Variants in CACNA2D4 observed in about 807,000 individuals in gnomAD.
The protein encoded by CACNA2D4 is voltage-dependent calcium channel subunit alpha-2/delta-4.
A neutral mutation model predicts 163.8 loss-of-function variants in CACNA2D4; 157 were observed. That is an observed-to-expected ratio of 0.96 (90% confidence interval 0.84 to 1.09). CACNA2D4 has a LOEUF of 1.09. Ranked by LOEUF, CACNA2D4 falls within the 50% of genes least tolerant of loss-of-function variation. CACNA2D4 has a pLI of 0.00. For synonymous variants in CACNA2D4, 598 were observed against 586.9 expected (o/e 1.02, Z -0.27); for missense variants, 1,410 against 1,479.9 (o/e 0.95, Z 0.78).
intron 18 of CACNA2D4, among the ~76,000 whole-genome samples, chr12:1,862,702 C>T (rs4765849): frequency 0.043 from 6,512 of 152,274 alleles, 619 homozygotes; most frequent in East Asian, 0.4. Flanking sequence ...GATGAGCCAC[C>T]GTGCCCGGCT....
intron 6 of CACNA2D4, among the ~76,000 whole-genome samples, chr12:1,891,748 CAG>C (rs921136763): frequency 2.6e-4 from 40 of 151,780 alleles, no homozygotes; most frequent in African/African-American, 9.4e-4. Context: ...AAGAACCAAA[CAG>C]AAATTCTGAA....
At chr12:1,905,529 C>G (rs1866639936) in intron 6 of CACNA2D4, among the ~76,000 whole-genome samples, 1 of 152,020 alleles carries the variant, frequency 6.6e-6, no homozygotes, top group African/African-American at 2.4e-5. Context: ...ACTCAACACA[C>G]AAAAATCAGT....
intron 23 of CACNA2D4, among the ~76,000 whole-genome samples, chr12:1,847,962 G>C (rs1270397309): frequency 2.0e-5 from 3 of 152,066 alleles, no homozygotes; most frequent in African/African-American, 7.2e-5. Context: ...ATTTTTTTAA[G>C]TTTGGCTGAA....
At chr12:1,850,893 A>G (rs1303939216) in intron 23 of CACNA2D4, among the ~76,000 whole-genome samples, 1 of 152,072 alleles carries the variant, frequency 6.6e-6, no homozygotes, top group East Asian at 1.9e-4. Flanking sequence ...AAAAAAAAAA[A>G]AAAAAAATAG....
chr12:1,904,929 C>T (rs1277470156), intron 6 of CACNA2D4, among the ~76,000 whole-genome samples: 4 of 151,976 alleles, frequency 2.6e-5, no homozygotes, highest in Admixed American at 2.0e-4. Context: ...ATGGATTAAA[C>T]TTTCCCATCA....
At position 1,879,805 on chromosome 12, in the gene CACNA2D4, G is replaced by A. The variant is rs376351407; in HGVS notation, c.1562C>T (p.Thr521Met). 114 of 1,597,028 alleles carry A rather than the reference G, an allele frequency of 7.1e-5. No individual in the cohort carries two copies. The African/African-American group carries it at 8.7e-4, about 12-fold the overall frequency. ...ACGTCTCCAGGAGCGGCCACTCACC[G>A]TTTCGTTCTTCTTGCTGAAGACTGG... ...AMPVFSKKNE[T>M]RSHGILLGVV... is the part of the protein sequence containing the mutation. The change falls in exon 14 of 38, where the codon ACG becomes ATG. Residue 521 changes from threonine (T) to methionine (M), a missense_variant and splice_region_variant. Transcript: ENST00000382722.
At position 1,844,560 on chromosome 12, in the gene CACNA2D4, C is replaced by T. The variant is rs1299589553; in HGVS notation, c.2343-31G>A. ...AGGAGGAAGATGTGGTACCTCTCCC[C>T]AGATCTGTGAACACAGTCATCACTC... is the stretch of plus-strand genomic sequence containing the variant. On this transcript the variant is annotated intron_variant, in intron 24 of 37. Transcript: ENST00000382722. The surrounding 1 kb of genome is among the most constrained non-coding windows in gnomAD (Gnocchi z 4.2). 3.1e-6 allele frequency: 5 copies of T among 1,603,602 alleles called. No individual in the cohort carries two copies. The highest frequency in any genetic ancestry group is 4.3e-6 in the Non-Finnish European group (5 of 1,173,066).
At position 1,874,385 on chromosome 12, in the gene CACNA2D4, A is replaced by G. The variant is rs1488294377; in HGVS notation, c.1878+219T>C. On this transcript the variant is annotated intron_variant, in intron 18 of 37. Coordinates refer to ENST00000382722, the MANE Select transcript of CACNA2D4 (RefSeq NM_172364.5). This position sits in a 1 kb window ranked among gnomAD's most constrained non-coding sequence, Gnocchi z 4.4. ...TTCTCCCCAGCTCAGCGGTCTCCCA[A>G]AAGCCAAGCATTGCATGAGCAATCC... Among the ~76,000 whole-genome samples, 1 of 152,200 alleles carries G rather than the reference A, an allele frequency of 6.6e-6. No homozygotes were observed. Among genetic ancestry groups the G allele is most frequent in the African/African-American group, 2.4e-5 (1 of 41,450 alleles).
chr12:1,799,771 T>C lies in CACNA2D4; in HGVS notation c.2975-76A>G. Reference sequence around the variant, plus strand: ...GGTGGCACATGAGGGCAGGATGTCATGGGGTGGTGATGATGGCACATGGAG... The same window carrying C: ...GGTGGCACATGAGGGCAGGATGTCACGGGGTGGTGATGATGGCACATGGAG... On this transcript the variant is annotated intron_variant, in intron 33 of 37. Transcript: ENST00000382722. The surrounding 1 kb of genome is among the most constrained non-coding windows in gnomAD (Gnocchi z 4.7). The C allele has an allele frequency of 6.5e-7, 1 of 1,527,012 alleles. No individual in the cohort carries two copies. The highest frequency in any genetic ancestry group is 8.9e-7 in the Non-Finnish European group (1 of 1,124,612). The allele number at this position is 1,527,012 out of a possible 1,614,324, so 94.6% of individuals were successfully genotyped here.
chr12:1,797,408 G>A lies in CACNA2D4; in HGVS notation c.3113+10C>T, dbSNP rs1260820289. 6.6e-7 allele frequency: 1 copy of A among 1,525,364 alleles called. No individual in the cohort carries two copies. The highest frequency in any genetic ancestry group is 2.4e-5 in the East Asian group (1 of 40,870). 94.5% of individuals were successfully genotyped at this position (1,525,364 alleles called of 1,614,324 possible). ...GTGGCGGGACGGGCGGCGCCGCCCT[G>A]CGGTCTTACTTCTGGCAGGGCCCGC... On this transcript the variant is annotated intron_variant, in intron 35 of 37. Coordinates refer to ENST00000382722, the MANE Select transcript of CACNA2D4 (RefSeq NM_172364.5).
At chr12:1,856,336 G>C (rs1592714122) in intron 20 of CACNA2D4, 107 bp from the exon 21 acceptor site, 1 of 1,228,464 alleles carries the variant, frequency 8.1e-7, no homozygotes, top group East Asian at 2.3e-5. Context: ...AAGGGACTGG[G>C]GTCTGTTCTT....
intron 22 of CACNA2D4, 94 bp from the exon 23 acceptor site, chr12:1,854,138 C>A: frequency 1.1e-6 from 1 of 883,270 alleles, no homozygotes. Context: ...AGATGTGCTT[C>A]CTGAACGTGT....
intron 4 of CACNA2D4, 80 bp downstream of exon 4, chr12:1,909,826 G>T: frequency 8.0e-7 from 1 of 1,248,278 alleles, no homozygotes. Flanking sequence ...ACCCTACGCC[G>T]CCACCCTATG....
intron 4 of CACNA2D4, 93 bp downstream of exon 4, chr12:1,909,813 G>T: frequency 4.9e-6 from 5 of 1,012,278 alleles, no homozygotes; most frequent in Non-Finnish European, 6.1e-6. Context: ...TCAGTGGATC[G>T]CCACCCTACG....
chr12:1,819,417 G>T (rs1363930657), intron 26 of CACNA2D4, among the ~76,000 whole-genome samples: 3 of 152,126 alleles, frequency 2.0e-5, no homozygotes, highest in African/African-American at 7.2e-5. Flanking sequence ...CCTTCTAGGG[G>T]CATCCTGAGT....
At position 1,795,680 on chromosome 12, in the gene CACNA2D4, T is replaced by C; in HGVS notation, c.3214A>G (p.Thr1072Ala). The change falls in exon 36 of 38, where the codon ACA (threonine) becomes GCA (alanine). Residue 1072 changes from threonine to alanine, a missense_variant. Transcript: ENST00000382722. ...CATTGCAGGATATATTTGACTTCTG[T>C]CGCCTCCTGCAGCACTGGTGGGAAG... ...SIFPPVLQEA[T>A]EVKYNASVKC... The C allele has an allele frequency of 6.2e-7, 1 of 1,608,796 alleles. No homozygotes were observed. Among genetic ancestry groups the C allele is most frequent in the Non-Finnish European group, 8.5e-7 (1 of 1,175,514 alleles).
intron 26 of CACNA2D4, chr12:1,831,625 C>A: frequency 1.9e-6 from 2 of 1,064,610 alleles, no homozygotes; most frequent in Non-Finnish European, 2.7e-6. Context: ...AGAGAGCAGG[C>A]CAGGGGAAAG....
chr12:1,867,333 G>T (rs1244392225), intron 18 of CACNA2D4, among the ~76,000 whole-genome samples: 1 of 151,860 alleles, frequency 6.6e-6, no homozygotes, highest in African/African-American at 2.4e-5. Flanking sequence ...CCAAGAACAT[G>T]TAATTAGACC....
At chr12:1,839,909 A>T (rs1351696053) in intron 26 of CACNA2D4, among the ~76,000 whole-genome samples, 1 of 152,234 alleles carries the variant, frequency 6.6e-6, no homozygotes, top group African/African-American at 2.4e-5. Flanking sequence ...GATCCCCGCT[A>T]GTTGGGTTGC....
Sources: allele counts gnomAD v4.1 joint callset (sites outside exome capture counted in the v4.1 genomes callset), GRCh38; gene constraint gnomAD v4.1.1; non-coding constraint Gnocchi (gnomAD v3.1); transcripts MANE v1.5; gene names NCBI Gene and HGNC (gene_info 2026-07-23, HGNC 2026-07-21).